C2orf78: variants seen among roughly 807,000 people sequenced by gnomAD.
C2orf78 encodes chromosome 2 open reading frame 78.
Under a neutral mutation model 21.4 loss-of-function variants are expected in C2orf78, and 12 were observed. The ratio of observed to expected loss-of-function variants is 0.56; its 90% confidence interval spans 0.36 to 0.91. The LOEUF (loss-of-function observed/expected upper bound fraction) is 0.91, where lower values mean the gene tolerates loss of function less well. C2orf78 is among the 40% of genes least tolerant of loss of function. C2orf78 has a pLI of 0.01. For missense variants in C2orf78, 1,042 were observed against 1,092.4 expected (o/e 0.95, Z 0.65); for synonymous variants, 396 against 413.9 (o/e 0.96, Z 0.52).
chr2:73,812,516 C>G (rs1314664257), intron 1 of C2orf78, among the ~76,000 whole-genome samples: 1 of 152,064 alleles, frequency 6.6e-6, no homozygotes, highest in African/African-American at 2.4e-5. Context: ...AAAAGCATTT[C>G]TTGGCCAGGC....
At chr2:73,810,504 G>A (rs1483954827) in intron 1 of C2orf78, among the ~76,000 whole-genome samples, 3 of 147,520 alleles carry the variant, frequency 2.0e-5, no homozygotes, top group African/African-American at 5.0e-5. Context: ...TCCAGCATGG[G>A]CAACAAGAGC....
At chr2:73,813,537 T>C (rs771972469) in exon 2 of C2orf78, 46 of 1,613,980 alleles carry the variant, frequency 2.9e-5, no homozygotes, top group Non-Finnish European at 3.7e-5. Context: ...TCTCTTCCTG[T>C]GGTGAGCAAT....
chr2:73,817,134 C>A (rs1007413807), exon 3 of C2orf78: 7 of 987,370 alleles, frequency 7.1e-6, no homozygotes, highest in Admixed American at 3.5e-5. Context: ...AATAAAGAGG[C>A]CTTTTGAGTT....
Position 73,816,289 on chromosome 2 carries a change from T to G in C2orf78, c.2066T>G (p.Val689Gly), listed in dbSNP as rs1673195476. 7 of 1,613,736 alleles carry G rather than the reference T, an allele frequency of 4.3e-6. No individual in the cohort carries two copies. The South Asian group carries it at 7.7e-5, about 18-fold the overall frequency. ...GGTAAAGGCCCGGAGAAAATTCAAGTCAAGGCCCAGAAACTAGATGGTAGT... is the reference window on the plus strand; with the variant it reads ...GGTAAAGGCCCGGAGAAAATTCAAGGCAAGGCCCAGAAACTAGATGGTAGT... The change falls in exon 3 of 3, where the codon GTC becomes GGC. Residue 689 changes from valine to glycine, a missense_variant. By Grantham distance (109) the Val-to-Gly change is moderately radical. Coordinates refer to ENST00000409561, the Ensembl canonical transcript of C2orf78.
rs899687461 is a variant in C2orf78 at position 73,808,127 on chromosome 2, G to A, written c.98-5350G>A. On this transcript the variant is annotated intron_variant, in intron 1 of 2. Transcript: ENST00000409561. ...AAATTAGCCGGCTGAAGTGGCAGGC[G>A]CCTGTAGTCCCAGCTACTAAGGAGT... Among the ~76,000 whole-genome samples the A allele has an allele frequency of 1.3e-4, 19 of 150,964 alleles. 3 individuals are homozygous for A. The highest frequency in any genetic ancestry group is 3.4e-3 in the Middle Eastern group (1 of 294).
intron 1 of C2orf78, among the ~76,000 whole-genome samples, chr2:73,811,212 A>G (rs1185595763): frequency 1.3e-5 from 2 of 151,832 alleles, no homozygotes; most frequent in East Asian, 1.9e-4. Flanking sequence ...AATCTCTGGA[A>G]CCTGGGAGGC....
At position 73,815,303 on chromosome 2, in the gene C2orf78, G is replaced by C. The variant is rs149492733; in HGVS notation, c.1080G>C (p.Glu360Asp). Reference sequence around the variant, plus strand: ...CAAGCCAGGAAAAAAATGAGAATGAGAATTTGGATGAGATTAAAACCAACC... The same window carrying C: ...CAAGCCAGGAAAAAAATGAGAATGACAATTTGGATGAGATTAAAACCAACC... Residue 360 changes from glutamate to aspartate, a missense_variant, in exon 3 of 3, where the codon GAG becomes GAC. Coordinates refer to ENST00000409561, the Ensembl canonical transcript of C2orf78. 3.1e-6 allele frequency: 5 copies of C among 1,613,880 alleles called. No individual in the cohort carries two copies. The African/African-American group carries it at 6.7e-5, about 22-fold the overall frequency.
exon 2 of C2orf78, chr2:73,813,502 T>C: frequency 6.2e-7 from 1 of 1,609,822 alleles, no homozygotes; most frequent in Non-Finnish European, 8.5e-7. Flanking sequence ...CGTCTTTACC[T>C]GGAACTGCAA....
chr2:73,785,902 C>G lies in C2orf78; in HGVS notation c.97+1496C>G, dbSNP rs947113483. Among the ~76,000 whole-genome samples the G allele has an allele frequency of 4.7e-4, 71 of 151,812 alleles. 1 individual carries two copies. The highest frequency in any genetic ancestry group is 4.6e-3 in the Admixed American group (70 of 15,234). On this transcript the variant is annotated intron_variant, in intron 1 of 2. Transcript: ENST00000409561. ...CCTCTACTAAAAATACCAAATTAGC[C>G]GGGCATGGTGGCACATGCGTGTAAT...
chr2:73,815,113 A>G, exon 3 of C2orf78: 1 of 1,613,814 alleles, frequency 6.2e-7, no homozygotes, highest in Non-Finnish European at 8.5e-7. Flanking sequence ...CTGGGATTGC[A>G]ATCTCCAAGC....
exon 3 of C2orf78, chr2:73,816,995 G>A (rs1196910048): frequency 6.2e-7 from 1 of 1,601,648 alleles, no homozygotes; most frequent in Non-Finnish European, 8.5e-7. Context: ...CAATCTAAGA[G>A]CTGAGATTGT....
chr2:73,814,436 A>C (rs1673151427), intron 2 of C2orf78, among the ~76,000 whole-genome samples: 1 of 152,206 alleles, frequency 6.6e-6, no homozygotes, highest in Non-Finnish European at 1.5e-5. Flanking sequence ...TCTATGCTAC[A>C]TGTAAGAGAA....
chr2:73,816,921 G>A (rs1418840491), exon 3 of C2orf78: 1 of 1,612,982 alleles, frequency 6.2e-7, no homozygotes, highest in Admixed American at 1.7e-5. Flanking sequence ...CACCTCTTTG[G>A]GGAAAGTGCA....
exon 2 of C2orf78, chr2:73,814,094 G>T: frequency 6.2e-7 from 1 of 1,613,230 alleles, no homozygotes. Flanking sequence ...AGGATATAGG[G>T]CTTCTGCCCA....
exon 2 of C2orf78, chr2:73,814,169 A>T: frequency 6.2e-7 from 1 of 1,607,118 alleles, no homozygotes; most frequent in Non-Finnish European, 8.5e-7. Context: ...ACCAGTCTCT[A>T]CTTCTGGGAT....
At chr2:73,815,805 G>C (rs1427384462) in exon 3 of C2orf78, 2 of 1,613,840 alleles carry the variant, frequency 1.2e-6, no homozygotes, top group African/African-American at 1.3e-5. Flanking sequence ...GTGCCTATTA[G>C]AGAGAGAAGT....
intron 1 of C2orf78, 65 bp from the exon 2 acceptor site, chr2:73,813,412 T>C (rs1673126992): frequency 1.4e-6 from 2 of 1,429,186 alleles, no homozygotes; most frequent in Admixed American, 5.1e-5. Flanking sequence ...ATAATGCTAG[T>C]CTTCCAATAA....
At position 73,809,386 on chromosome 2, in the gene C2orf78, G is replaced by A. The variant is rs558059112; in HGVS notation, c.98-4091G>A. On this transcript the variant is annotated intron_variant, in intron 1 of 2. Transcript: ENST00000409561. ...TTTTAAATAATATTCAGCCAGGCACGGTGGCTCACACCTGTAATCTCAGCA... is the reference window on the plus strand; with the variant it reads ...TTTTAAATAATATTCAGCCAGGCACAGTGGCTCACACCTGTAATCTCAGCA... Among the ~76,000 whole-genome samples the A allele has an allele frequency of 8.3e-3, 1,261 of 151,964 alleles. 12 individuals are homozygous for A. The highest frequency in any genetic ancestry group is 8.9e-3 in the Non-Finnish European group (608 of 67,956).
At chr2:73,807,948 C>T (rs1233569193) in intron 1 of C2orf78, among the ~76,000 whole-genome samples, 16 of 150,966 alleles carry the variant, frequency 1.1e-4, no homozygotes, top group Non-Finnish European at 5.9e-5. Context: ...TTAATCTCTT[C>T]CTTTGGCCCT....
Sources: gnomAD v4.1 joint callset for allele counts (sites outside exome capture counted in the v4.1 genomes callset) on GRCh38, gnomAD v4.1.1 for gene constraint, MANE v1.5 for transcripts, NCBI Gene and HGNC (gene_info 2026-07-23, HGNC 2026-07-21) for gene names.